The following POU6F2 variants were observed in gnomAD, a reference collection of about 807,000 sequenced individuals.
POU6F2 encodes the protein POU domain, class 6, transcription factor 2.
POU6F2 carries 31 observed loss-of-function variants against 71.3 expected under a neutral mutation model. The ratio of observed to expected loss-of-function variants is 0.43; its 90% confidence interval spans 0.33 to 0.59. The LOEUF (loss-of-function observed/expected upper bound fraction) is 0.59, where lower values mean the gene tolerates loss of function less well. Among genes scored for constraint, POU6F2 ranks in the 20% least tolerant of loss-of-function variants. The pLI is 0.04. For missense variants in POU6F2, 783 were observed against 856.8 expected, an observed-to-expected ratio of 0.91 and a Z score of 1.07; for synonymous variants, 347 against 355.7, an observed-to-expected ratio of 0.98 and a Z score of 0.27.
intron 1 of POU6F2, among the ~76,000 whole-genome samples, chr7:39,045,145 G>A (rs1235810662): frequency 6.6e-6 from 1 of 151,942 alleles, no homozygotes; most frequent in Non-Finnish European, 1.5e-5. Flanking sequence ...TTATGATATA[G>A]TACACTCCTC....
chr7:39,349,985 T>C (rs1031436104), intron 5 of POU6F2, among the ~76,000 whole-genome samples: 7 of 152,176 alleles, frequency 4.6e-5, no homozygotes, highest in African/African-American at 1.7e-4. Context: ...CGCAGATGAA[T>C]GCAGCAGTGG....
intron 4 of POU6F2, among the ~76,000 whole-genome samples, chr7:39,279,019 A>G (rs1280745264): frequency 6.6e-6 from 1 of 152,086 alleles, no homozygotes; most frequent in Admixed American, 6.5e-5. Context: ...CTCGTTTCTA[A>G]TTGGAATTAG....
At chr7:39,373,732 A>C in intron 5 of POU6F2, 1 of 327,732 alleles carries the variant, frequency 3.1e-6, no homozygotes. Flanking sequence ...TATGTTCATC[A>C]TGTTGAATTT....
At chr7:39,301,059 T>C (rs1180462752) in intron 4 of POU6F2, among the ~76,000 whole-genome samples, 2 of 152,170 alleles carry the variant, frequency 1.3e-5, no homozygotes, top group African/African-American at 4.8e-5. Flanking sequence ...TCTCAGGATT[T>C]TTATATTTTG....
chr7:39,132,838 C>T (rs928396150), intron 2 of POU6F2, among the ~76,000 whole-genome samples: 4 of 152,010 alleles, frequency 2.6e-5, no homozygotes, highest in African/African-American at 7.3e-5. Flanking sequence ...CTTCACTTAC[C>T]GTACTTCACT....
intron 1 of POU6F2, among the ~76,000 whole-genome samples, chr7:39,009,119 G>T (rs1380171318): frequency 1.3e-5 from 2 of 151,956 alleles, no homozygotes; most frequent in Non-Finnish European, 2.9e-5. Flanking sequence ...TGGGCAGTAT[G>T]GTCATTTTCA....
At chr7:39,228,649 T>G (rs1212739711) in intron 4 of POU6F2, among the ~76,000 whole-genome samples, 3 of 152,222 alleles carry the variant, frequency 2.0e-5, no homozygotes, top group African/African-American at 7.2e-5. Flanking sequence ...AGGTCAATAT[T>G]CCTTATTGGC....
At chr7:39,159,413 G>A (rs1165064741) in intron 2 of POU6F2, among the ~76,000 whole-genome samples, 1 of 152,174 alleles carries the variant, frequency 6.6e-6, no homozygotes, top group Non-Finnish European at 1.5e-5. Context: ...TCTAAGCACC[G>A]TGGAGCACCT....
chr7:39,030,543 T>TATATATATGTATGC (rs1491146903), intron 1 of POU6F2, among the ~76,000 whole-genome samples: 1 of 88,018 alleles, frequency 1.1e-5, no homozygotes. Context: ...TATATATATA[T>TATATATATGTATGC]ACACACACAT....
chr7:39,397,327 TA>T (rs1787193200), intron 5 of POU6F2, among the ~76,000 whole-genome samples: 2 of 460 alleles, frequency 4.3e-3, no homozygotes, highest in Admixed American at 0.045. Context: ...ATATATATTA[TA>T]TATATATATA....
intron 5 of POU6F2, among the ~76,000 whole-genome samples, chr7:39,402,088 A>G (rs987717238): frequency 2.0e-5 from 3 of 152,254 alleles, no homozygotes; most frequent in Non-Finnish European, 4.4e-5. Flanking sequence ...TTCAGATTTA[A>G]GGAAACTGAA....
At chr7:39,033,310 A>G (rs367638650) in intron 1 of POU6F2, among the ~76,000 whole-genome samples, 2 of 152,224 alleles carry the variant, frequency 1.3e-5, no homozygotes, top group Non-Finnish European at 1.5e-5. Flanking sequence ...TATCACATCT[A>G]TCAGGTTACA....
At chr7:39,095,471 G>A (rs2080280236) in intron 2 of POU6F2, among the ~76,000 whole-genome samples, 1 of 152,186 alleles carries the variant, frequency 6.6e-6, no homozygotes, top group Non-Finnish European at 1.5e-5. Context: ...ATTGGAGATT[G>A]CTGATGGCAT....
chr7:39,344,655 C>G (rs1275866312), intron 5 of POU6F2, among the ~76,000 whole-genome samples: 1 of 152,138 alleles, frequency 6.6e-6, no homozygotes, highest in Non-Finnish European at 1.5e-5. Flanking sequence ...ACCCCCTCCC[C>G]CCCCAGCAAT....
intron 1 of POU6F2, among the ~76,000 whole-genome samples, chr7:39,082,835 C>A (rs1266546090): frequency 2.7e-5 from 4 of 149,072 alleles, no homozygotes; most frequent in Non-Finnish European, 4.5e-5. Flanking sequence ...CACACACACA[C>A]AAATATATAT....
At chr7:39,081,990 C>A (rs564595917) in intron 1 of POU6F2, among the ~76,000 whole-genome samples, 33 of 152,340 alleles carry the variant, frequency 2.2e-4, no homozygotes, top group South Asian at 8.3e-4. Context: ...CCGTCTCTTA[C>A]CCATACAATG....
chr7:38,996,035 C>CTGTTTTTTTTTT (rs1788726151), intron 1 of POU6F2, among the ~76,000 whole-genome samples: 1 of 85,390 alleles, frequency 1.2e-5, no homozygotes, highest in Non-Finnish European at 2.2e-5. Context: ...AGGGGCTTGG[C>CTGTTTTTTTTTT]TTTTTTTTTT....
chr7:39,252,395 GACAGAC>G (rs1269179612), intron 4 of POU6F2, among the ~76,000 whole-genome samples: 14 of 84,858 alleles, frequency 1.6e-4, no homozygotes, highest in South Asian at 7.5e-4. Context: ...CAGACAGACA[GACAGAC>G]ACACACACAC....
chr7:39,329,179 C>T (rs999009898), intron 4 of POU6F2: 2 of 150,034 alleles, frequency 1.3e-5, no homozygotes, highest in Non-Finnish European at 3.0e-5. Flanking sequence ...ATATATTATA[C>T]ATAACATTGT....
Sources: gnomAD v4.1 joint callset for allele counts (sites outside exome capture counted in the v4.1 genomes callset) on GRCh38, gnomAD v4.1.1 for gene constraint, MANE v1.5 for transcripts, NCBI Gene and HGNC (gene_info 2026-07-23, HGNC 2026-07-21) for gene names.